Variants in ATP10B observed in about 807,000 individuals in gnomAD.
ATP10B encodes the protein phospholipid-transporting ATPase VB.
A neutral mutation model predicts 141.2 loss-of-function variants in ATP10B; 122 were observed. The observed-to-expected ratio is 0.86, with a 90% confidence interval of 0.75 to 1.00. The LOEUF is 1.00. Ranked by LOEUF, ATP10B falls within the 50% of genes least tolerant of loss-of-function variation. The pLI is 0.00. For missense variants in ATP10B, 1,876 were observed against 1,825.3 expected (o/e 1.03, Z -0.51); for synonymous variants, 685 against 692.0 (o/e 0.99, Z 0.16).
chr5:160,715,688 C>CTTTCTTTATTTA (rs1765588727), intron 3 of ATP10B, among the ~76,000 whole-genome samples: 1 of 141,664 alleles, frequency 7.1e-6, no homozygotes, highest in African/African-American at 2.6e-5. Flanking sequence ...ATTTAGCTTG[C>CTTTCTTTATTTA]TTTATTTATT....
intron 7 of ATP10B, among the ~76,000 whole-genome samples, chr5:160,659,446 C>G (rs1188296949): frequency 6.6e-6 from 1 of 152,036 alleles, no homozygotes; most frequent in African/African-American, 2.4e-5. Context: ...GCCCAGGCAA[C>G]AGTGCAAGGC....
At chr5:160,633,608 G>A (rs1461044939) in intron 12 of ATP10B, 1 of 154,582 alleles carries the variant, frequency 6.5e-6, no homozygotes, top group Non-Finnish European at 1.4e-5. Flanking sequence ...GTAGATGATG[G>A]GTTGGTGGGT....
At chr5:160,925,883 G>A in the ATP10B span, among the ~76,000 whole-genome samples, 1 of 152,212 alleles carries the variant, frequency 6.6e-6, no homozygotes. Context: ...GAATAAAAGT[G>A]CACAGTTTCC....
intron 2 of ATP10B, among the ~76,000 whole-genome samples, chr5:160,775,924 A>C (rs909042791): frequency 6.6e-6 from 1 of 152,008 alleles, no homozygotes; most frequent in Non-Finnish European, 1.5e-5. Context: ...TTCATGATAC[A>C]CCTGCCTCTG....
chr5:160,915,491 C>G, the ATP10B span, among the ~76,000 whole-genome samples: 11 of 152,034 alleles, frequency 7.2e-5, no homozygotes, highest in African/African-American at 2.7e-4. Context: ...GCCACCACAC[C>G]CACCTAATTT....
At chr5:160,775,482 T>A (rs1770230481) in intron 2 of ATP10B, among the ~76,000 whole-genome samples, 1 of 152,158 alleles carries the variant, frequency 6.6e-6, no homozygotes, top group Non-Finnish European at 1.5e-5. Context: ...AAGATGCACC[T>A]TATATGTGAT....
chr5:160,916,371 T>A, the ATP10B span, among the ~76,000 whole-genome samples: 40 of 152,332 alleles, frequency 2.6e-4, 1 homozygote, highest in South Asian at 7.3e-3. Context: ...TTGGACCAAA[T>A]GCTCTCTGAA....
At chr5:160,581,548 T>C (rs536218368) in intron 24 of ATP10B, among the ~76,000 whole-genome samples, 1 of 152,352 alleles carries the variant, frequency 6.6e-6, no homozygotes, top group South Asian at 2.1e-4. Context: ...TTGTATTTGC[T>C]GACGAGTGTT....
chr5:160,642,637 A>G (rs117781351), intron 9 of ATP10B, among the ~76,000 whole-genome samples: 2,437 of 152,344 alleles, frequency 0.016, 59 homozygotes, highest in African/African-American at 0.052. Flanking sequence ...CAATGGTGCC[A>G]AAGGTGAGAA....
intron 2 of ATP10B, among the ~76,000 whole-genome samples, chr5:160,782,195 A>T (rs943863467): frequency 5.3e-5 from 8 of 152,178 alleles, no homozygotes; most frequent in African/African-American, 1.9e-4. Context: ...TAATGTAAAT[A>T]TATTAAACAC....
At chr5:160,735,292 A>G (rs2127799739) in intron 2 of ATP10B, among the ~76,000 whole-genome samples, 1 of 152,154 alleles carries the variant, frequency 6.6e-6, no homozygotes, top group East Asian at 1.9e-4. Flanking sequence ...ATTGAAAATA[A>G]AGAGATGAAA....
chr5:160,599,202 T>G (rs1032533548), intron 21 of ATP10B, among the ~76,000 whole-genome samples: 16 of 152,196 alleles, frequency 1.1e-4, no homozygotes, highest in Non-Finnish European at 1.8e-4. Flanking sequence ...ACTAACTTGT[T>G]TAAAGGGGAG....
At chr5:160,665,242 A>G (rs1447016355) in intron 7 of ATP10B, among the ~76,000 whole-genome samples, 1 of 152,238 alleles carries the variant, frequency 6.6e-6, no homozygotes, top group Non-Finnish European at 1.5e-5. Context: ...CTGCAATGTC[A>G]TGGGAGAAAG....
chr5:160,845,252 G>C (rs1776051118), intron 1 of ATP10B, among the ~76,000 whole-genome samples: 1 of 152,100 alleles, frequency 6.6e-6, no homozygotes, highest in Non-Finnish European at 1.5e-5. Context: ...TGGTACCCTG[G>C]GATGCTTTAG....
intron 2 of ATP10B, among the ~76,000 whole-genome samples, chr5:160,760,804 G>A (rs1221862570): frequency 6.6e-6 from 1 of 152,040 alleles, no homozygotes; most frequent in African/African-American, 2.4e-5. Context: ...TAATTTCCTT[G>A]GGAACATAAC....
rs115441927 is a variant in ATP10B at position 160,643,007 on chromosome 5, T to C, written c.868+1131A>G. Among the ~76,000 whole-genome samples the C allele has an allele frequency of 8.3e-3, 1,207 of 145,492 alleles. 13 individuals are homozygous for C. The highest frequency in any genetic ancestry group is 0.028 in the African/African-American group (1,115 of 39,876). On this transcript the variant is annotated intron_variant, in intron 9 of 25. Coordinates refer to ENST00000327245, the MANE Select transcript of ATP10B (RefSeq NM_025153.3). ...AAATCTATGTGATTATGATTACCATTTTCTTTTTTGGTACAGTGGAGATTG... is the reference window on the plus strand; with the variant it reads ...AAATCTATGTGATTATGATTACCATCTTCTTTTTTGGTACAGTGGAGATTG...
intron 3 of ATP10B, among the ~76,000 whole-genome samples, chr5:160,702,737 T>C (rs59121242): frequency 0.011 from 1,685 of 152,324 alleles, 33 homozygotes; most frequent in African/African-American, 0.039. Context: ...TTTCCCATTA[T>C]ACAAGATTAC....
chr5:160,906,737 C>A, the ATP10B span, among the ~76,000 whole-genome samples: 127 of 152,288 alleles, frequency 8.3e-4, no homozygotes, highest in African/African-American at 2.6e-3. Flanking sequence ...TGTCGGTACC[C>A]AGTACCGCCT....
rs149605585 is a variant in ATP10B, at chr5:160,676,120, T to G, written c.471-5453A>C. On this transcript the variant is annotated intron_variant, in intron 6 of 25. Coordinates refer to ENST00000327245, the MANE Select transcript of ATP10B (RefSeq NM_025153.3). ...ACATTTGGGTTACATTAATACAGTA[T>G]AAAGTTCTTTATATTGGGAGGATGT... is the stretch of plus-strand genomic sequence containing the variant. Among the ~76,000 whole-genome samples the G allele has an allele frequency of 6.8e-4, 103 of 152,278 alleles. 1 individual carries two copies. Among genetic ancestry groups the G allele is most frequent in the Non-Finnish European group, 1.2e-3 (80 of 68,014 alleles).
Sources: allele counts gnomAD v4.1 joint callset (sites outside exome capture counted in the v4.1 genomes callset), GRCh38; gene constraint gnomAD v4.1.1; transcripts MANE v1.5; gene names NCBI Gene and HGNC (gene_info 2026-07-23, HGNC 2026-07-21).